Variants in REV3L observed in about 807,000 individuals in gnomAD.
REV3L encodes REV3 like, DNA directed polymerase zeta catalytic subunit.
A neutral mutation model predicts 299.4 loss-of-function variants in REV3L; 69 were observed. That is an observed-to-expected ratio of 0.23 (90% CI 0.19 to 0.28). The LOEUF is 0.28. Among genes scored for constraint, REV3L ranks in the 10% least tolerant of loss-of-function variants. The pLI, the probability that REV3L is intolerant of heterozygous loss-of-function variation, is 1.00. For synonymous variants in REV3L, 1,238 were observed against 1,271.4 expected (o/e 0.97, Z 0.56); for missense variants, 3,128 against 3,693.8 (o/e 0.85, Z 3.97).
chr6:111,414,550 T>C (rs951205292), intron 2 of REV3L, among the ~76,000 whole-genome samples: 1 of 152,116 alleles, frequency 6.6e-6, no homozygotes, highest in Non-Finnish European at 1.5e-5. Flanking sequence ...TGGAATGAGA[T>C]AAAAATAGAA....
chr6:111,438,505 A>T (rs1437075911), intron 1 of REV3L, among the ~76,000 whole-genome samples: 1 of 132,664 alleles, frequency 7.5e-6, no homozygotes, highest in Non-Finnish European at 1.5e-5. Flanking sequence ...TATTAAGATT[A>T]AAAAAAAAAA....
At chr6:111,354,933 G>A (rs1298875194) in intron 18 of REV3L, among the ~76,000 whole-genome samples, 6 of 152,160 alleles carry the variant, frequency 3.9e-5, no homozygotes, top group Non-Finnish European at 7.4e-5. Context: ...AAGGGGCACG[G>A]AGGGGAAGGA....
At chr6:111,446,375 C>CA (rs2128312436) in intron 1 of REV3L, among the ~76,000 whole-genome samples, 1 of 152,264 alleles carries the variant, frequency 6.6e-6, no homozygotes, top group Admixed American at 6.5e-5. Context: ...AACATCCCAA[C>CA]AAACTGGGAT....
intron 1 of REV3L, among the ~76,000 whole-genome samples, chr6:111,463,944 A>G (rs559590183): frequency 6.6e-6 from 1 of 152,132 alleles, no homozygotes; most frequent in East Asian, 1.9e-4. Flanking sequence ...CAATATCAAC[A>G]TAATTGACGC....
At chr6:111,332,363 G>C (rs139720581) in intron 23 of REV3L, among the ~76,000 whole-genome samples, 1 of 152,050 alleles carries the variant, frequency 6.6e-6, no homozygotes, top group African/African-American at 2.4e-5. Context: ...GAGCCACCAC[G>C]TCCAGCCCAA....
intron 1 of REV3L, among the ~76,000 whole-genome samples, chr6:111,419,937 C>T (rs192865437): frequency 5.3e-5 from 8 of 152,104 alleles, no homozygotes; most frequent in Admixed American, 1.3e-4. Flanking sequence ...CTCCACCTCC[C>T]GGGCTCACGC....
intron 1 of REV3L, among the ~76,000 whole-genome samples, chr6:111,450,326 A>C (rs1299696474): frequency 6.6e-6 from 1 of 151,966 alleles, no homozygotes; most frequent in Non-Finnish European, 1.5e-5. Flanking sequence ...TAAAAATTAA[A>C]AAATTAGCCA....
chr6:111,399,025 G>A (rs1782813592), intron 4 of REV3L, among the ~76,000 whole-genome samples: 1 of 151,838 alleles, frequency 6.6e-6, no homozygotes, highest in South Asian at 2.1e-4. Context: ...CCGATATTCT[G>A]AAAAAAACCC....
rs3218599 is a variant in REV3L at position 111,372,921 on chromosome 6, C to A, written c.5434G>T (p.Asp1812Tyr). 6.2e-7 allele frequency: 1 copy of A among 1,614,022 alleles called. No homozygotes were observed. Among genetic ancestry groups the A allele is most frequent in the Admixed American group, 1.7e-5 (1 of 60,012 alleles). The change falls in exon 13 of 32, where the codon GAC (aspartate) becomes TAC (tyrosine). Residue 1812 changes from aspartate (D) to tyrosine (Y), a missense_variant. This residue lies in a region of REV3L where 2,409 missense variants were observed against 2,611.8 expected (regional missense o/e 0.92). Transcript: ENST00000368802. The part of the protein sequence containing the change: ...HTRKEMGQSL[D>Y]SANTSFTAIL... ...GCAGTAAAAGAGGTATTGGCTGAGT[C>A]AAGAGACTGTCCCATTTCTTTTCTG...
chr6:111,409,553 T>C (rs1000049609), intron 3 of REV3L, among the ~76,000 whole-genome samples: 2 of 152,158 alleles, frequency 1.3e-5, no homozygotes, highest in African/African-American at 4.8e-5. Flanking sequence ...ATTCTGACCA[T>C]ACAAATCCCC....
intron 1 of REV3L, among the ~76,000 whole-genome samples, chr6:111,422,830 C>T (rs1437941786): frequency 6.6e-6 from 1 of 150,872 alleles, no homozygotes; most frequent in Non-Finnish European, 1.5e-5. Context: ...TTCATTTTCT[C>T]CTTTTATTTG....
intron 1 of REV3L, among the ~76,000 whole-genome samples, chr6:111,422,601 T>TAC (rs1785543375): frequency 4.9e-5 from 1 of 20,302 alleles, no homozygotes; most frequent in African/African-American, 1.7e-4. Context: ...TATACACATA[T>TAC]ATATATATAT....
intron 1 of REV3L, among the ~76,000 whole-genome samples, chr6:111,472,330 A>G (rs1792325199): frequency 1.3e-5 from 2 of 152,252 alleles, no homozygotes; most frequent in Admixed American, 6.5e-5. Context: ...GCAAAATAAT[A>G]TATTTCTTTT....
intron 1 of REV3L, among the ~76,000 whole-genome samples, chr6:111,419,958 C>A (rs1310964486): frequency 6.6e-6 from 1 of 152,094 alleles, no homozygotes; most frequent in Non-Finnish European, 1.5e-5. Flanking sequence ...CGTTCTCCTG[C>A]CTCAGCCTCC....
rs780673853 is a variant in REV3L, at chr6:111,375,389, T to C, written c.2966A>G (p.Asn989Ser). The C allele has an allele frequency of 5.0e-6, 8 of 1,595,504 alleles. No homozygotes were observed. Among genetic ancestry groups the C allele is most frequent in the Non-Finnish European group, 6.0e-6 (7 of 1,174,378 alleles). Residue 989 changes from asparagine (N) to serine (S), a missense_variant, in exon 13 of 32, where the codon AAT becomes AGT. Physicochemically the swap from Asn to Ser is conservative, Grantham distance 46. Transcript: ENST00000368802. ...IIINRFRGRK[N>S]MLVKLGKIDS... is the part of the protein sequence containing the mutation. Reference sequence around the variant, plus strand: ...TATTTTTCCTAGCTTCACAAGCATATTTTTTCTCCCTCTAAATCTATTAAT... The same window carrying C: ...TATTTTTCCTAGCTTCACAAGCATACTTTTTCTCCCTCTAAATCTATTAAT...
At chr6:111,311,385 A>C in intron 28 of REV3L, 126 bp from the exon 29 acceptor site, 1 of 552,562 alleles carries the variant, frequency 1.8e-6, no homozygotes, top group South Asian at 4.3e-5. Flanking sequence ...TCTGTTACTT[A>C]CAATGATGGG....
At position 111,425,347 on chromosome 6, in the gene REV3L, T is replaced by A. The variant is rs2128293909; in HGVS notation, c.140-8875A>T. 2.0e-5 allele frequency among the ~76,000 whole-genome samples: 3 copies of A among 152,160 alleles called. No individual in the cohort carries two copies. In the South Asian group the frequency reaches 6.2e-4, roughly 32 times the overall value. ...GGTGGCGGGCACCTGTAGTCCCAGC[T>A]CCTCGGGAGGCTGAGGCAGAAGAAT... On this transcript the variant is annotated intron_variant, in intron 1 of 31. Transcript: ENST00000368802.
chr6:111,359,413 CTTT>C (rs1221088211), intron 16 of REV3L, among the ~76,000 whole-genome samples: 1 of 147,358 alleles, frequency 6.8e-6, no homozygotes. Flanking sequence ...AAAAAGAGAG[CTTT>C]TTTAAAATTC....
At chr6:111,381,774 TGA>T (rs1780854109) in intron 9 of REV3L, among the ~76,000 whole-genome samples, 1 of 152,188 alleles carries the variant, frequency 6.6e-6, no homozygotes, top group Non-Finnish European at 1.5e-5. Context: ...CTATCTTATT[TGA>T]ATACTAAAAT....
Sources: allele counts gnomAD v4.1 joint callset (sites outside exome capture counted in the v4.1 genomes callset), GRCh38; gene constraint gnomAD v4.1.1; regional missense constraint gnomAD v4.1.1; transcripts MANE v1.5; gene names NCBI Gene and HGNC (gene_info 2026-07-23, HGNC 2026-07-21).